The following SDK1 variants were observed in gnomAD, a reference collection of about 807,000 sequenced individuals.
SDK1 encodes protein sidekick-1.
Under a neutral mutation model 245.5 loss-of-function variants are expected in SDK1, and 157 were observed. The observed-to-expected ratio is 0.64, with a 90% confidence interval of 0.56 to 0.73. The LOEUF is 0.73. Ranked by LOEUF, SDK1 falls within the 30% of genes least tolerant of loss-of-function variation. SDK1 has a pLI of 0.00. For synonymous variants in SDK1, 1,647 were observed against 1,278.5 expected (o/e 1.29, Z -6.15); for missense variants, 3,583 against 3,002.3 (o/e 1.19, Z -4.52).
At chr7:4,220,044 C>G in intron 38 of SDK1, 65 bp from the exon 39 acceptor site, 4 of 1,556,406 alleles carry the variant, frequency 2.6e-6, no homozygotes, top group Non-Finnish European at 3.5e-6. Context: ...CGCAACAGAA[C>G]AGACAGTGGA....
chr7:3,318,701 T>C (rs1779722942), intron 1 of SDK1, among the ~76,000 whole-genome samples: 1 of 152,210 alleles, frequency 6.6e-6, no homozygotes. Context: ...ACTTTTTGAG[T>C]TTTCTTGGCC....
intron 5 of SDK1, among the ~76,000 whole-genome samples, chr7:3,859,687 A>G (rs574053914): frequency 1.0e-3 from 156 of 152,286 alleles, no homozygotes; most frequent in African/African-American, 3.7e-3. Context: ...TACCATCCCC[A>G]GGGGACAGCC....
At chr7:3,354,000 T>C (rs1028759609) in intron 1 of SDK1, among the ~76,000 whole-genome samples, 12 of 151,628 alleles carry the variant, frequency 7.9e-5, no homozygotes, top group Non-Finnish European at 1.5e-4. Context: ...CTTTTCTTTT[T>C]TTTTTTTTTT....
At chr7:3,387,343 A>C (rs1174993884) in intron 1 of SDK1, among the ~76,000 whole-genome samples, 3 of 152,050 alleles carry the variant, frequency 2.0e-5, no homozygotes, top group Non-Finnish European at 4.4e-5. Context: ...TCATCTCCTC[A>C]AAGTCCAGAG....
intron 41 of SDK1, among the ~76,000 whole-genome samples, chr7:4,235,717 C>T (rs1314979502): frequency 6.6e-6 from 1 of 152,234 alleles, no homozygotes; most frequent in Non-Finnish European, 1.5e-5. Context: ...CTTCCCAGGG[C>T]CTGTGGTTCA....
chr7:3,809,725 C>T (rs1779338166), intron 4 of SDK1, among the ~76,000 whole-genome samples: 1 of 152,176 alleles, frequency 6.6e-6, no homozygotes, highest in African/African-American at 2.4e-5. Flanking sequence ...TTGGTCCAGC[C>T]ACGAAGACAT....
At chr7:3,715,734 C>G (rs1471642571) in intron 4 of SDK1, among the ~76,000 whole-genome samples, 1 of 152,088 alleles carries the variant, frequency 6.6e-6, no homozygotes, top group Non-Finnish European at 1.5e-5. Context: ...AAAACGTCCA[C>G]AGAGAATGGA....
At chr7:3,640,001 C>T (rs1005905590) in intron 3 of SDK1, among the ~76,000 whole-genome samples, 1 of 152,060 alleles carries the variant, frequency 6.6e-6, no homozygotes, top group Non-Finnish European at 1.5e-5. Context: ...TGTGTGCCAC[C>T]ATGCCTGGCT....
intron 1 of SDK1, among the ~76,000 whole-genome samples, chr7:3,452,706 TATAC>T (rs1780552926): frequency 6.6e-6 from 1 of 152,148 alleles, no homozygotes; most frequent in East Asian, 1.9e-4. Flanking sequence ...TTCAAGGAAA[TATAC>T]ATAGTCATTG....
At position 4,051,630 on chromosome 7, in the gene SDK1, C is replaced by T. The variant is rs200737541; in HGVS notation, c.2719-8C>T. On this transcript the variant is annotated splice_region_variant and splice_polypyrimidine_tract_variant and intron_variant, in intron 18 of 44. Coordinates refer to ENST00000404826, the MANE Select transcript of SDK1 (RefSeq NM_152744.4). ...ACAGGCTGTCTTTTTCACCCTGTTC[C>T]ATCTCAGCTTCTGGCATGGCCGGCA... 2 of 1,608,518 alleles carry T rather than the reference C, an allele frequency of 1.2e-6. No individual in the cohort carries two copies. The highest frequency in any genetic ancestry group is 1.7e-6 in the Non-Finnish European group (2 of 1,177,800).
intron 4 of SDK1, among the ~76,000 whole-genome samples, chr7:3,755,418 G>A (rs533298639): frequency 6.6e-6 from 1 of 152,144 alleles, no homozygotes; most frequent in Non-Finnish European, 1.5e-5. Flanking sequence ...ACACGGTCTG[G>A]CCATTGTCTG....
At chr7:3,727,070 G>T (rs964152396) in intron 4 of SDK1, among the ~76,000 whole-genome samples, 1 of 152,212 alleles carries the variant, frequency 6.6e-6, no homozygotes, top group African/African-American at 2.4e-5. Flanking sequence ...TTATAGGCAT[G>T]ACATGCTTCT....
At chr7:3,347,622 T>G (rs1018237008) in intron 1 of SDK1, among the ~76,000 whole-genome samples, 1 of 152,214 alleles carries the variant, frequency 6.6e-6, no homozygotes, top group Non-Finnish European at 1.5e-5. Context: ...AATATTTCCC[T>G]GTGGCATGGT....
intron 1 of SDK1, among the ~76,000 whole-genome samples, chr7:3,518,227 A>G (rs1782811678): frequency 6.6e-6 from 1 of 152,148 alleles, no homozygotes; most frequent in African/African-American, 2.4e-5. Context: ...AAAATTAGTA[A>G]TATGTATTAA....
chr7:3,306,393 C>A (rs1375952985), intron 1 of SDK1, among the ~76,000 whole-genome samples: 2 of 151,990 alleles, frequency 1.3e-5, no homozygotes, highest in African/African-American at 2.4e-5. Flanking sequence ...ATTAGACCAC[C>A]CCAGAATGGA....
chr7:3,953,578 ATC>A (rs1388896818), intron 7 of SDK1, among the ~76,000 whole-genome samples: 42 of 152,214 alleles, frequency 2.8e-4, no homozygotes, highest in African/African-American at 1.0e-3. Context: ...CGACGTGTAA[ATC>A]TCTAGTAGAC....
intron 13 of SDK1, among the ~76,000 whole-genome samples, chr7:3,982,525 T>G (rs763684361): frequency 5.3e-5 from 8 of 152,190 alleles, no homozygotes; most frequent in Middle Eastern, 3.2e-3. Flanking sequence ...CTGGAAAGGA[T>G]TCACCATTCT....
At chr7:3,593,986 T>G (rs1298748188) in intron 1 of SDK1, among the ~76,000 whole-genome samples, 2 of 152,214 alleles carry the variant, frequency 1.3e-5, no homozygotes, top group Non-Finnish European at 2.9e-5. Flanking sequence ...TTCACCATTT[T>G]AAAGTGTGTA....
At chr7:3,394,348 T>C (rs1781838759) in intron 1 of SDK1, among the ~76,000 whole-genome samples, 2 of 152,168 alleles carry the variant, frequency 1.3e-5, no homozygotes. Flanking sequence ...CAGTGGATAA[T>C]AAATATAAGA....
Sources: gnomAD v4.1 joint callset for allele counts (sites outside exome capture counted in the v4.1 genomes callset) on GRCh38, gnomAD v4.1.1 for gene constraint, MANE v1.5 for transcripts, NCBI Gene and HGNC (gene_info 2026-07-23, HGNC 2026-07-21) for gene names.